Variants in MEGF10 observed in about 807,000 individuals in gnomAD.
The protein encoded by MEGF10 is multiple EGF like domains 10.
In MEGF10, 86 loss-of-function variants were observed where a neutral mutation model predicts 147.5. The ratio of observed to expected loss-of-function variants is 0.58; its 90% CI spans 0.49 to 0.70. MEGF10 has a LOEUF of 0.70. Ranked by LOEUF, MEGF10 falls within the 30% of genes least tolerant of loss-of-function variation. The pLI, the probability that MEGF10 is intolerant of heterozygous loss-of-function variation, is 0.00. For missense variants in MEGF10, 1,329 were observed against 1,487.3 expected, an observed-to-expected ratio of 0.89 and a Z score of 1.75; for synonymous variants, 478 against 525.5, an observed-to-expected ratio of 0.91 and a Z score of 1.24.
chr5:127,438,641 C>A (rs1447106318), intron 17 of MEGF10, 74 bp downstream of exon 17: 1 of 1,522,638 alleles, frequency 6.6e-7, no homozygotes. Flanking sequence ...CCTCCGCATG[C>A]GTGACTGGAG....
chr5:127,439,207 T>C (rs1561647859), intron 17 of MEGF10, among the ~76,000 whole-genome samples: 1 of 152,208 alleles, frequency 6.6e-6, no homozygotes, highest in Non-Finnish European at 1.5e-5. Context: ...CATTAGGCTT[T>C]TAGCATGATA....
intron 4 of MEGF10, among the ~76,000 whole-genome samples, chr5:127,369,495 T>C (rs1414809691): frequency 6.6e-6 from 1 of 152,182 alleles, no homozygotes; most frequent in Non-Finnish European, 1.5e-5. Context: ...AAAATCATAA[T>C]ACATAATCAT....
chr5:127,410,513 G>C lies in MEGF10; in HGVS notation c.1042G>C (p.Glu348Gln). Residue 348 changes from glutamate to glutamine, a missense_variant, in exon 9 of 25, where the codon GAG becomes CAG. Glu to Gln is a conservative substitution (Grantham distance 29, BLOSUM62 2). Around this residue, in one of 3 missense-constraint regions of MEGF10, gnomAD observed 980 missense variants for 1,085.9 expected, o/e 0.90. Transcript: ENST00000503335. ...CCTCTGTGAAGCAGGCTTTGCTGGC[G>C]AGCGCTGCGAAGCACGCCTGTGTCC... ...ACLCEAGFAG[E>Q]RCEARLCPEG... is the part of the protein sequence containing the mutation. 2 of 1,613,944 alleles carry C rather than the reference G, an allele frequency of 1.2e-6. No homozygotes were observed. Among genetic ancestry groups the C allele is most frequent in the Non-Finnish European group, 8.5e-7 (1 of 1,180,036 alleles).
At chr5:127,376,774 T>G (rs1488688154) in intron 5 of MEGF10, among the ~76,000 whole-genome samples, 1 of 152,226 alleles carries the variant, frequency 6.6e-6, no homozygotes, top group Non-Finnish European at 1.5e-5. Context: ...CAGTTATTGT[T>G]CCTAGTTTAC....
intron 1 of MEGF10, among the ~76,000 whole-genome samples, chr5:127,292,072 T>G (rs1458138141): frequency 6.6e-6 from 1 of 152,206 alleles, no homozygotes; most frequent in Non-Finnish European, 1.5e-5. Context: ...GCTTCATTCC[T>G]TATGGACAGA....
intron 4 of MEGF10, among the ~76,000 whole-genome samples, chr5:127,352,970 C>T (rs1026116792): frequency 1.3e-5 from 2 of 152,212 alleles, no homozygotes; most frequent in African/African-American, 4.8e-5. Flanking sequence ...ATCGACATCA[C>T]GGATGCTCAT....
intron 2 of MEGF10, among the ~76,000 whole-genome samples, chr5:127,337,215 G>T (rs1271987184): frequency 6.6e-6 from 1 of 152,090 alleles, no homozygotes; most frequent in Non-Finnish European, 1.5e-5. Flanking sequence ...ATGTTACAGT[G>T]ATTTGATTGA....
At chr5:127,317,178 G>GT (rs1222195671) in intron 1 of MEGF10, among the ~76,000 whole-genome samples, 4 of 152,106 alleles carry the variant, frequency 2.6e-5, no homozygotes, top group African/African-American at 9.7e-5. Context: ...GGGGTTGTTT[G>GT]TTTTTTTCTT....
the MEGF10 span, among the ~76,000 whole-genome samples, chr5:127,259,156 C>T: frequency 2.0e-5 from 3 of 152,132 alleles, no homozygotes; most frequent in Admixed American, 2.0e-4. Context: ...GATTGTGACC[C>T]TCCATGATGC....
At chr5:127,444,027 T>C (rs761386126) in intron 19 of MEGF10, among the ~76,000 whole-genome samples, 13 of 152,274 alleles carry the variant, frequency 8.5e-5, no homozygotes, top group South Asian at 4.2e-4. Flanking sequence ...TGGTTTTCAA[T>C]TGGGGTGTAT....
intron 8 of MEGF10, among the ~76,000 whole-genome samples, chr5:127,406,614 C>T (rs1278356866): frequency 6.6e-6 from 1 of 152,088 alleles, no homozygotes; most frequent in Admixed American, 6.5e-5. Flanking sequence ...GCCCTAGGAG[C>T]CTGCACAGAA....
At chr5:127,263,534 A>G in the MEGF10 span, among the ~76,000 whole-genome samples, 1 of 152,062 alleles carries the variant, frequency 6.6e-6, no homozygotes, top group East Asian at 1.9e-4. Context: ...AGTTGAAGGG[A>G]AAAAAATAGT....
the MEGF10 span, among the ~76,000 whole-genome samples, chr5:127,272,020 G>C: frequency 6.6e-6 from 1 of 152,066 alleles, no homozygotes; most frequent in Non-Finnish European, 1.5e-5. Context: ...TGTCCTGAAT[G>C]GTATTGCCTA....
At chr5:127,291,885 T>C (rs1041982827) in intron 1 of MEGF10, among the ~76,000 whole-genome samples, 1 of 152,182 alleles carries the variant, frequency 6.6e-6, no homozygotes, top group Admixed American at 6.6e-5. Flanking sequence ...CCACATTATT[T>C]AGGAGAAAGT....
chr5:127,258,305 T>G, the MEGF10 span, among the ~76,000 whole-genome samples: 1 of 152,116 alleles, frequency 6.6e-6, no homozygotes, highest in South Asian at 2.1e-4. Context: ...CAAATGAGGA[T>G]GAAGAAAATA....
the MEGF10 span, among the ~76,000 whole-genome samples, chr5:127,237,660 G>A: frequency 2.0e-5 from 3 of 152,218 alleles, no homozygotes; most frequent in Admixed American, 2.0e-4. Context: ...AAATCCTACA[G>A]CAGGAAGAAG....
At chr5:127,263,312 G>C in the MEGF10 span, among the ~76,000 whole-genome samples, 3 of 149,204 alleles carry the variant, frequency 2.0e-5, no homozygotes, top group East Asian at 2.1e-4. Context: ...ATTCTCGGGG[G>C]GGGGGTAAAA....
At chr5:127,312,730 TA>T (rs1360764398) in intron 1 of MEGF10, among the ~76,000 whole-genome samples, 2 of 152,196 alleles carry the variant, frequency 1.3e-5, no homozygotes, top group Non-Finnish European at 2.9e-5. Context: ...TGGATATAAA[TA>T]AACAGTTTTA....
the MEGF10 span, among the ~76,000 whole-genome samples, chr5:127,251,846 CATAAT>C: frequency 2.6e-5 from 4 of 151,800 alleles, no homozygotes. Flanking sequence ...GACGTAGTAA[CATAAT>C]AGACAACCTT....
Sources: allele counts gnomAD v4.1 joint callset (sites outside exome capture counted in the v4.1 genomes callset), GRCh38; gene constraint gnomAD v4.1.1; regional missense constraint gnomAD v4.1.1; transcripts MANE v1.5; gene names NCBI Gene and HGNC (gene_info 2026-07-23, HGNC 2026-07-21).